Variants in SKA2 observed in about 807,000 individuals in gnomAD.
The protein encoded by SKA2 is spindle and kinetochore-associated protein 2.
A neutral mutation model predicts 16.9 loss-of-function variants in SKA2; 13 were observed. The observed-to-expected ratio is 0.77, with a 90% CI of 0.50 to 1.22. The LOEUF (loss-of-function observed/expected upper bound fraction) is 1.22. Among genes scored for constraint, SKA2 ranks in the 50% most tolerant of loss-of-function variants. The probability of loss-of-function intolerance (pLI) is 0.00; values close to 1 mark genes in which losing one functional copy is unlikely to be tolerated. For synonymous variants in SKA2, 47 were observed against 48.5 expected, an observed-to-expected ratio of 0.97 and a Z score of 0.13; for missense variants, 107 against 139.7, an observed-to-expected ratio of 0.77 and a Z score of 1.18.
intron 1 of SKA2, among the ~76,000 whole-genome samples, chr17:59,142,671 A>C (rs576119411): frequency 6.6e-6 from 1 of 151,742 alleles, no homozygotes; most frequent in African/African-American, 2.4e-5. Context: ...TCATGCCAGT[A>C]ATCCCAGCAC....
intron 1 of SKA2, among the ~76,000 whole-genome samples, chr17:59,132,958 A>G (rs1338999612): frequency 6.6e-6 from 1 of 152,206 alleles, no homozygotes; most frequent in Non-Finnish European, 1.5e-5. Flanking sequence ...AGATGGATAT[A>G]TGACAGTGTT....
intron 2 of SKA2, among the ~76,000 whole-genome samples, chr17:59,120,685 TAGGTA>T (rs2046326457): frequency 6.6e-6 from 1 of 152,094 alleles, no homozygotes; most frequent in Non-Finnish European, 1.5e-5. Flanking sequence ...TTCCAGGTGA[TAGGTA>T]AGGGACTGGG....
chr17:59,123,080 A>C (rs1161495419), intron 2 of SKA2, among the ~76,000 whole-genome samples: 2 of 151,470 alleles, frequency 1.3e-5, no homozygotes, highest in African/African-American at 4.8e-5. Context: ...TGGAAGGAAA[A>C]AAAAGAAAAC....
At chr17:59,124,857 G>A (rs2046360165) in intron 2 of SKA2, among the ~76,000 whole-genome samples, 1 of 152,174 alleles carries the variant, frequency 6.6e-6, no homozygotes, top group African/African-American at 2.4e-5. Flanking sequence ...TGCATTTATG[G>A]CCTGTTTATG....
chr17:59,144,764 G>A (rs1253771024), intron 1 of SKA2, among the ~76,000 whole-genome samples: 1 of 152,036 alleles, frequency 6.6e-6, no homozygotes, highest in Non-Finnish European at 1.5e-5. Flanking sequence ...CTAGACGCTG[G>A]GGGGAGGGGA....
intron 1 of SKA2, among the ~76,000 whole-genome samples, chr17:59,141,937 C>T (rs966109903): frequency 6.6e-6 from 1 of 152,066 alleles, no homozygotes; most frequent in African/African-American, 2.4e-5. Context: ...TGGTGTCTCT[C>T]ATCCTCTTTG....
intron 1 of SKA2, among the ~76,000 whole-genome samples, chr17:59,143,534 G>A (rs897436165): frequency 5.9e-5 from 9 of 152,022 alleles, no homozygotes; most frequent in South Asian, 4.1e-4. Flanking sequence ...AACGTGCCCA[G>A]CTAATTTTTT....
At chr17:59,145,560 C>A (rs1475456087) in intron 1 of SKA2, among the ~76,000 whole-genome samples, 1 of 152,100 alleles carries the variant, frequency 6.6e-6, no homozygotes, top group Non-Finnish European at 1.5e-5. Flanking sequence ...TATCTAGTAT[C>A]TATTTTTCCC....
intron 1 of SKA2, among the ~76,000 whole-genome samples, chr17:59,139,901 C>A (rs2046475213): frequency 6.6e-6 from 1 of 152,148 alleles, no homozygotes; most frequent in South Asian, 2.1e-4. Context: ...AACAAACATT[C>A]ATTCATTTGA....
chr17:59,130,635 A>G (rs1019677629), intron 2 of SKA2, among the ~76,000 whole-genome samples: 29 of 152,196 alleles, frequency 1.9e-4, no homozygotes, highest in African/African-American at 5.1e-4. Context: ...TCAAAAAAAA[A>G]AAAAGATAAA....
intron 2 of SKA2, among the ~76,000 whole-genome samples, chr17:59,129,923 A>AG (rs2046399997): frequency 8.2e-6 from 1 of 122,574 alleles, no homozygotes; most frequent in African/African-American, 3.3e-5. Flanking sequence ...GAGGGAGGGA[A>AG]GGAAGGAAGG....
chr17:59,129,874 G>A (rs1307072158), intron 2 of SKA2, among the ~76,000 whole-genome samples: 1 of 137,348 alleles, frequency 7.3e-6, no homozygotes, highest in Non-Finnish European at 1.6e-5. Flanking sequence ...GGAAAGGGAG[G>A]GAGAAGAAGG....
At chr17:59,112,558 G>A (rs913753253) in intron 3 of SKA2, among the ~76,000 whole-genome samples, 1 of 152,130 alleles carries the variant, frequency 6.6e-6, no homozygotes, top group Non-Finnish European at 1.5e-5. Context: ...TTGCAATTAA[G>A]TTGAAGAAAC....
Position 59,151,315 on chromosome 17 carries a change from A to C in SKA2, c.33+3816T>G, listed in dbSNP as rs901650015. On this transcript the variant is annotated intron_variant, in intron 1 of 3. Coordinates refer to ENST00000330137, the MANE Select transcript of SKA2 (RefSeq NM_182620.4). Reference sequence around the variant, plus strand: ...TAGGGTTGCCATTTTGGACAGAAAAACATCCAAAACCAAAAAACATTTATA... The same window carrying C: ...TAGGGTTGCCATTTTGGACAGAAAACCATCCAAAACCAAAAAACATTTATA... The C allele has an allele frequency of 7.2e-6, 3 of 418,434 alleles. 1 individual carries two copies. Among genetic ancestry groups the C allele is most frequent in the Middle Eastern group, 6.8e-4 (2 of 2,962 alleles). The allele number at this position is 418,434 out of a possible 1,614,324, so 25.9% of individuals were successfully genotyped here.
intron 1 of SKA2, among the ~76,000 whole-genome samples, chr17:59,142,296 T>G (rs1237049450): frequency 6.6e-6 from 1 of 151,576 alleles, no homozygotes; most frequent in Non-Finnish European, 1.5e-5. Context: ...GGTGGGTTTT[T>G]TTTTTTTTTT....
chr17:59,128,610 A>G (rs2046387516), intron 2 of SKA2, among the ~76,000 whole-genome samples: 5 of 150,964 alleles, frequency 3.3e-5, no homozygotes, highest in Admixed American at 2.7e-4. Flanking sequence ...TGGGTGACAG[A>G]GCGAGACTCG....
intron 1 of SKA2, among the ~76,000 whole-genome samples, chr17:59,143,980 A>G (rs1425307817): frequency 2.6e-5 from 4 of 151,642 alleles, no homozygotes; most frequent in Non-Finnish European, 5.9e-5. Context: ...ACATGGTGAA[A>G]CCCTGTCTCT....
chr17:59,154,872 C>T (rs2046610478), intron 1 of SKA2: 28 of 1,460,168 alleles, frequency 1.9e-5, no homozygotes, highest in Middle Eastern at 3.6e-4. Context: ...AAGGTGAGGG[C>T]AAGGAACAAG....
At position 59,131,975 on chromosome 17, in the gene SKA2, T is replaced by C. The variant is rs137925679; in HGVS notation, c.34-608A>G. Among the ~76,000 whole-genome samples the C allele has an allele frequency of 3.1e-4, 47 of 152,106 alleles. No individual in the cohort carries two copies. The East Asian group carries it at 8.1e-3, about 26-fold the overall frequency. On this transcript the variant is annotated intron_variant, in intron 1 of 3. Transcript: ENST00000330137. ...ATGGGAACTTGATCTGTAGTAAACCTCAAAGGAAGAAAAAAGGGGAGAACT... is the reference window on the plus strand; with the variant it reads ...ATGGGAACTTGATCTGTAGTAAACCCCAAAGGAAGAAAAAAGGGGAGAACT...
Sources: gnomAD v4.1 joint callset for allele counts (sites outside exome capture counted in the v4.1 genomes callset) on GRCh38, gnomAD v4.1.1 for gene constraint, MANE v1.5 for transcripts, NCBI Gene and HGNC (gene_info 2026-07-23, HGNC 2026-07-21) for gene names.